Variants in TTC21B observed in about 807,000 individuals in gnomAD.
The protein encoded by TTC21B is tetratricopeptide repeat domain 21B, also known as tetratricopeptide repeat protein 21B.
TTC21B carries 127 observed loss-of-function variants against 175.1 expected under a neutral mutation model. The observed-to-expected ratio is 0.73, with a 90% CI of 0.63 to 0.84. The LOEUF is 0.84. Among genes scored for constraint, TTC21B ranks in the 40% least tolerant of loss-of-function variants. TTC21B has a pLI of 0.00. For missense variants in TTC21B, 1,561 were observed against 1,558.3 expected, an observed-to-expected ratio of 1.00 and a Z score of -0.03; for synonymous variants, 524 against 524.5, an observed-to-expected ratio of 1.00 and a Z score of 0.01.
chr2:165,882,308 T>C (rs1359736469), intron 26 of TTC21B, among the ~76,000 whole-genome samples: 1 of 152,200 alleles, frequency 6.6e-6, no homozygotes, highest in South Asian at 2.1e-4. Context: ...AGGCAGGATA[T>C]TTATTTGCAA....
intron 22 of TTC21B, among the ~76,000 whole-genome samples, chr2:165,893,648 G>A (rs1034049239): frequency 4.6e-5 from 7 of 152,028 alleles, no homozygotes; most frequent in Admixed American, 1.3e-4. Flanking sequence ...ATAGTTATAG[G>A]GTGATGAGAT....
At position 165,887,789 on chromosome 2, in the gene TTC21B, CAGG is replaced by C. The variant is rs767512034; in HGVS notation, c.3459+487_3459+489del. Among the ~76,000 whole-genome samples, 3 of 152,228 alleles carry C rather than the reference CAGG, an allele frequency of 2.0e-5. No homozygotes were observed. In the East Asian group the frequency reaches 5.8e-4, roughly 29 times the overall value. Reference sequence around the variant, plus strand: ...GAAAATAACAAATATGAAAAGATTGCAGGAGGTTATTTCAGTGTTGCTAAAGAA... The same window carrying C: ...GAAAATAACAAATATGAAAAGATTGCAGGTTATTTCAGTGTTGCTAAAGAA... On this transcript the variant is annotated intron_variant, in intron 25 of 28. Coordinates refer to ENST00000243344, the MANE Select transcript of TTC21B (RefSeq NM_024753.5).
At chr2:165,888,208 T>A in intron 25 of TTC21B, 71 bp downstream of exon 25, 1 of 1,220,292 alleles carries the variant, frequency 8.2e-7, no homozygotes, top group Non-Finnish European at 1.2e-6. Flanking sequence ...AATAAACAAC[T>A]AATCAAAATA....
At chr2:165,934,229 C>T (rs1365248896) in intron 6 of TTC21B, among the ~76,000 whole-genome samples, 1 of 152,016 alleles carries the variant, frequency 6.6e-6, no homozygotes. Flanking sequence ...AAACCAAAAT[C>T]TTCTATGGCT....
chr2:165,942,922 G>A (rs999760229), intron 5 of TTC21B, among the ~76,000 whole-genome samples: 8 of 152,174 alleles, frequency 5.3e-5, no homozygotes, highest in Non-Finnish European at 1.0e-4. Flanking sequence ...AATATCTAGA[G>A]GGATGCCTCA....
chr2:165,874,816 G>A lies in TTC21B; in HGVS notation c.3890C>T (p.Pro1297Leu). Residue 1297 changes from proline to leucine, a missense_variant, in exon 29 of 29, where the codon CCA becomes CTA. Physicochemically the swap from Pro to Leu is moderately conservative, Grantham distance 98 (BLOSUM62 -3). Transcript: ENST00000243344. ...DICHQVLEAHPTYPKIRKDIL... is the reference protein window; with the variant it reads ...DICHQVLEAHLTYPKIRKDIL... ...ATCCTTTCTGATTTTTGGATAAGTT[G>A]GATGTGCTTCAAGAACCTGCAAAAC... 1 of 1,613,618 alleles carries A rather than the reference G, an allele frequency of 6.2e-7. No individual in the cohort carries two copies. The highest frequency in any genetic ancestry group is 8.5e-7 in the Non-Finnish European group (1 of 1,179,766).
intron 8 of TTC21B, among the ~76,000 whole-genome samples, chr2:165,930,942 G>C (rs1686883954): frequency 6.6e-6 from 1 of 151,782 alleles, no homozygotes; most frequent in South Asian, 2.1e-4. Flanking sequence ...AATTTTTCAA[G>C]ACAACAAACT....
Position 165,878,983 on chromosome 2 carries a change from T to A in TTC21B, c.3805+1696A>T, listed in dbSNP as rs539600809. Among the ~76,000 whole-genome samples the A allele has an allele frequency of 2.0e-5, 3 of 152,158 alleles. No individual in the cohort carries two copies. In the South Asian group the frequency reaches 6.2e-4, roughly 32 times the overall value. Reference sequence around the variant, plus strand: ...AGGTGTGAGCCACTGCGCCTGGCCATGAGCATGATTTTAAGGGTTTTCTGA... The same window carrying A: ...AGGTGTGAGCCACTGCGCCTGGCCAAGAGCATGATTTTAAGGGTTTTCTGA... On this transcript the variant is annotated intron_variant, in intron 27 of 28. Coordinates refer to ENST00000243344, the MANE Select transcript of TTC21B (RefSeq NM_024753.5).
chr2:165,900,750 T>C (rs1685531139), intron 20 of TTC21B, among the ~76,000 whole-genome samples: 1 of 151,772 alleles, frequency 6.6e-6, no homozygotes, highest in African/African-American at 2.4e-5. Context: ...ATTTTAAAAT[T>C]AATTTTTGAT....
rs564984244 is a variant in TTC21B at position 165,945,332 on chromosome 2, C to T, written c.429+192G>A. ...GAAGACTCAGTAGCATAAAACTAAC[C>T]TTAGAGAATTCCTATTCTACAATAC... On this transcript the variant is annotated intron_variant, in intron 4 of 28. Coordinates refer to ENST00000243344, the MANE Select transcript of TTC21B (RefSeq NM_024753.5). Among the ~76,000 whole-genome samples the T allele has an allele frequency of 2.6e-5, 4 of 152,194 alleles. No homozygotes were observed. In the East Asian group the frequency reaches 7.7e-4, roughly 29 times the overall value.
chr2:165,927,445 T>C (rs1686721988), intron 11 of TTC21B, among the ~76,000 whole-genome samples: 1 of 146,562 alleles, frequency 6.8e-6, no homozygotes, highest in Non-Finnish European at 1.5e-5. Flanking sequence ...GTATCTAAAA[T>C]CGCCATCACC....
chr2:165,919,464 T>G, intron 12 of TTC21B, 31 bp from the exon 13 acceptor site: 2 of 1,607,762 alleles, frequency 1.2e-6, no homozygotes, highest in Non-Finnish European at 1.7e-6. Context: ...TTGTTATAAT[T>G]CAAATGATTA....
chr2:165,907,683 G>C lies in TTC21B; in HGVS notation c.2563C>G (p.Gln855Glu). ...TCACAGACAAATGTGTTTACCTGTT[G>C]TAATGCAGTGATCGCATCACCAAGT... ...EKLGDAITALQQARELQARVL... is the reference protein window; with the variant it reads ...EKLGDAITALEQARELQARVL... The change falls in exon 19 of 29, where the codon CAA (glutamine) becomes GAA (glutamate). Residue 855 changes from glutamine (Q) to glutamate (E), a missense_variant. Gln to Glu is a conservative substitution (Grantham distance 29, BLOSUM62 2). Transcript: ENST00000243344. 1 of 1,605,732 alleles carries C rather than the reference G, an allele frequency of 6.2e-7. No homozygotes were observed. Among genetic ancestry groups the C allele is most frequent in the Non-Finnish European group, 8.5e-7 (1 of 1,173,664 alleles).
Position 165,911,338 on chromosome 2 carries a change from G to A in TTC21B, c.2450C>T (p.Ala817Val), listed in dbSNP as rs1685924046. Reference protein sequence around the residue: ...KAEKVLQHALAHEPVNELSAL... With the variant: ...KAEKVLQHALVHEPVNELSAL... ...AAAGACTTTCATACCAGGTTCATGA[G>A]CCAGAGCATGCTGAAGAACTTTTTC... The change falls in exon 18 of 29, where the codon GCT (alanine) becomes GTT (valine). Residue 817 changes from alanine (A) to valine (V), a missense_variant. Transcript: ENST00000243344. The A allele has an allele frequency of 1.9e-6, 3 of 1,613,672 alleles. No homozygotes were observed. The African/African-American group carries it at 4.0e-5, about 22-fold the overall frequency.
chr2:165,931,224 T>G (rs1686894663), intron 8 of TTC21B, among the ~76,000 whole-genome samples: 1 of 152,118 alleles, frequency 6.6e-6, no homozygotes, highest in South Asian at 2.1e-4. Flanking sequence ...TATTTTAACC[T>G]TCTTAGTTTA....
rs760433995 is a variant in TTC21B at position 165,917,460 on chromosome 2, G to A, written c.1696C>T (p.His566Tyr). The change falls in exon 14 of 29, where the codon CAT (histidine) becomes TAT (tyrosine). Residue 566 changes from histidine to tyrosine, a missense_variant. His to Tyr is a moderately conservative substitution (Grantham distance 83). Coordinates refer to ENST00000243344, the MANE Select transcript of TTC21B (RefSeq NM_024753.5). ...TTTTGTGACTGAGCTTTTATCAAAT[G>A]GTATAAAGGATAGTCTCTCACCTGA... ...DFKVRDYPLY[H>Y]LIKAQSQKKM... 3 of 1,612,884 alleles carry A rather than the reference G, an allele frequency of 1.9e-6. No homozygotes were observed. Among genetic ancestry groups the A allele is most frequent in the South Asian group, 2.2e-5 (2 of 91,044 alleles).
Position 165,919,272 on chromosome 2 carries a change from T to C in TTC21B, c.1674+4A>G. ...TCTTATCCACTTCAGTCTGGAATACTTACCTTAAAATCATAGCTCAGACAA... is the reference window on the plus strand; with the variant it reads ...TCTTATCCACTTCAGTCTGGAATACCTACCTTAAAATCATAGCTCAGACAA... On this transcript the variant is annotated splice_donor_region_variant and intron_variant, in intron 13 of 28. Coordinates refer to ENST00000243344, the MANE Select transcript of TTC21B (RefSeq NM_024753.5). The C allele has an allele frequency of 1.2e-6, 2 of 1,613,952 alleles. No individual in the cohort carries two copies. The highest frequency in any genetic ancestry group is 8.5e-7 in the Non-Finnish European group (1 of 1,179,908).
At chr2:165,936,668 C>T (rs919929417) in intron 6 of TTC21B, among the ~76,000 whole-genome samples, 7 of 152,018 alleles carry the variant, frequency 4.6e-5, no homozygotes, top group Non-Finnish European at 1.0e-4. Flanking sequence ...GATACACAGA[C>T]TGCAAATAAG....
intron 6 of TTC21B, among the ~76,000 whole-genome samples, chr2:165,935,348 T>C (rs1415158802): frequency 6.6e-6 from 1 of 152,216 alleles, no homozygotes; most frequent in African/African-American, 2.4e-5. Flanking sequence ...TAGTCCTACA[T>C]GTGTTCAAAG....
Sources: allele counts gnomAD v4.1 joint callset (sites outside exome capture counted in the v4.1 genomes callset), GRCh38; gene constraint gnomAD v4.1.1; transcripts MANE v1.5; gene names NCBI Gene and HGNC (gene_info 2026-07-23, HGNC 2026-07-21).